Variants in ZFR observed in about 807,000 individuals in gnomAD.
ZFR encodes zinc finger RNA-binding protein.
Under a neutral mutation model 130.7 loss-of-function variants are expected in ZFR, and 19 were observed. That is an observed-to-expected ratio of 0.15 (90% CI 0.10 to 0.21). The LOEUF (loss-of-function observed/expected upper bound fraction) is 0.21. ZFR is among the 10% of genes least tolerant of loss of function. The probability of loss-of-function intolerance (pLI) is 1.00; values close to 1 mark genes in which losing one functional copy is unlikely to be tolerated. For missense variants in ZFR, 872 were observed against 1,321.5 expected, an observed-to-expected ratio of 0.66 and a Z score of 5.27; for synonymous variants, 466 against 456.9, an observed-to-expected ratio of 1.02 and a Z score of -0.25.
chr5:32,396,630 C>T (rs1471500748), intron 10 of ZFR, among the ~76,000 whole-genome samples: 8 of 151,928 alleles, frequency 5.3e-5, no homozygotes, highest in Non-Finnish European at 8.8e-5. Flanking sequence ...CCCAGCTACT[C>T]GGGAGGCGGA....
At chr5:32,380,712 G>A (rs1052583797) in intron 15 of ZFR, among the ~76,000 whole-genome samples, 5 of 132,990 alleles carry the variant, frequency 3.8e-5, no homozygotes, top group East Asian at 2.3e-4. Flanking sequence ...TGGAGTGCAC[G>A]ATCTCAGATC....
At chr5:32,358,459 G>C (rs911493165) in intron 19 of ZFR, among the ~76,000 whole-genome samples, 1 of 152,258 alleles carries the variant, frequency 6.6e-6, no homozygotes, top group South Asian at 2.1e-4. Flanking sequence ...AGGAGATCCA[G>C]ACCATCCTGG....
chr5:32,383,744 TGA>T (rs1265274325), intron 15 of ZFR: 1 of 456,644 alleles, frequency 2.2e-6, no homozygotes, highest in Non-Finnish European at 4.4e-6. Context: ...GGAGCTGCAG[TGA>T]GAGAGAATAC....
Position 32,419,997 on chromosome 5 carries a change from G to A in ZFR, c.244C>T (p.Pro82Ser). The change falls in exon 3 of 20, where the codon CCA becomes TCA. Residue 82 changes from proline to serine, a missense_variant. Physicochemically the swap from Pro to Ser is moderately conservative, Grantham distance 74. Coordinates refer to ENST00000265069, the MANE Select transcript of ZFR (RefSeq NM_016107.5). ...GCAACTGCAACTGTGGCGGCTGCTGGTGCATAGGCAGCAGTAACTGTGTGA... is the reference window on the plus strand; with the variant it reads ...GCAACTGCAACTGTGGCGGCTGCTGATGCATAGGCAGCAGTAACTGTGTGA... The part of the protein sequence containing the change: ...AAHTVTAAYA[P>S]AAATVAVARP... 1 of 1,613,858 alleles carries A rather than the reference G, an allele frequency of 6.2e-7. No individual in the cohort carries two copies. The highest frequency in any genetic ancestry group is 8.5e-7 in the Non-Finnish European group (1 of 1,180,022).
intron 17 of ZFR, among the ~76,000 whole-genome samples, chr5:32,372,767 G>A (rs1463363336): frequency 6.6e-6 from 1 of 151,910 alleles, no homozygotes; most frequent in Non-Finnish European, 1.5e-5. Flanking sequence ...CCCAGGAGGT[G>A]GAGGTTACAG....
At chr5:32,379,434 A>T in intron 16 of ZFR, 1 of 521,530 alleles carries the variant, frequency 1.9e-6, no homozygotes, top group Non-Finnish European at 3.4e-6. Context: ...TTATACAAGA[A>T]TAATATTTCT....
chr5:32,406,753 T>C, intron 6 of ZFR, 21 bp downstream of exon 6: 1 of 1,598,670 alleles, frequency 6.3e-7, no homozygotes, highest in Non-Finnish European at 8.5e-7. Context: ...AGACTCAAGG[T>C]AAAACATACA....
chr5:32,444,737 A>G lies in ZFR; in HGVS notation c.-79T>C. Reference sequence around the variant, plus strand: ...CTGCCCCGCTCCTCCTCAGCGGAGAACAGACCGCCGCCTCCGACCGCACTG... The same window carrying G: ...CTGCCCCGCTCCTCCTCAGCGGAGAGCAGACCGCCGCCTCCGACCGCACTG... On this transcript the variant is annotated 5_prime_UTR_variant, in exon 1 of 20. Transcript: ENST00000265069. 2 of 1,479,780 alleles carry G rather than the reference A, an allele frequency of 1.4e-6. No individual in the cohort carries two copies. Among genetic ancestry groups the G allele is most frequent in the Non-Finnish European group, 1.8e-6 (2 of 1,114,894 alleles). 91.7% of individuals were successfully genotyped at this position (1,479,780 alleles called of 1,614,324 possible). A position where few individuals can be genotyped will look rare whatever the true frequency, so the allele number is the denominator to read the frequency against.
intron 17 of ZFR, among the ~76,000 whole-genome samples, chr5:32,365,726 C>T (rs147968721): frequency 8.6e-5 from 13 of 151,226 alleles, no homozygotes; most frequent in East Asian, 2.0e-4. Flanking sequence ...GAGCTGTGGT[C>T]GTGCCGCTGT....
chr5:32,399,991 T>C lies in ZFR; in HGVS notation c.1713+16A>G. 1.3e-6 allele frequency: 2 copies of C among 1,580,968 alleles called. No individual in the cohort carries two copies. The highest frequency in any genetic ancestry group is 1.7e-6 in the Non-Finnish European group (2 of 1,162,762). ...TTTATCCAATTTCACAGCAATGGTATTCTCAAATCAATTACCTCTTCCACA... is the reference window on the plus strand; with the variant it reads ...TTTATCCAATTTCACAGCAATGGTACTCTCAAATCAATTACCTCTTCCACA... On this transcript the variant is annotated intron_variant, in intron 9 of 19. Coordinates refer to ENST00000265069, the MANE Select transcript of ZFR (RefSeq NM_016107.5).
At chr5:32,363,721 C>T (rs771684507) in intron 19 of ZFR, among the ~76,000 whole-genome samples, 1 of 152,138 alleles carries the variant, frequency 6.6e-6, no homozygotes, top group Non-Finnish European at 1.5e-5. Flanking sequence ...ATATACAATA[C>T]ACTTACTTAG....
At chr5:32,430,422 GA>G (rs1200445739) in intron 2 of ZFR, among the ~76,000 whole-genome samples, 1 of 152,116 alleles carries the variant, frequency 6.6e-6, no homozygotes, top group Non-Finnish European at 1.5e-5. Context: ...TGCACAGAGA[GA>G]GAGGAAGAGA....
Position 32,416,614 on chromosome 5 carries a change from C to CAACAA in ZFR, c.565+1033_565+1034insTTGTT, listed in dbSNP as rs1554073743. Among the ~76,000 whole-genome samples the CAACAA allele has an allele frequency of 8.4e-4, 111 of 132,788 alleles. 8 individuals are homozygous for CAACAA. Among genetic ancestry groups the CAACAA allele is most frequent in the Non-Finnish European group, 1.2e-3 (78 of 63,802 alleles). 87.1% of individuals were successfully genotyped at this position (132,788 alleles called of 152,430 possible). A position where few individuals can be genotyped will look rare whatever the true frequency, so the allele number is the denominator to read the frequency against. The stretch of plus-strand genomic sequence containing the variant: ...GGGCGACAAGAGTGAAACTCCGTCT[C>CAACAA]AAAAAAAAAAAAAAGAGAAGAGACC... On this transcript the variant is annotated intron_variant, in intron 4 of 19. Coordinates refer to ENST00000265069, the MANE Select transcript of ZFR (RefSeq NM_016107.5).
intron 8 of ZFR, among the ~76,000 whole-genome samples, chr5:32,400,748 T>G (rs566938173): frequency 6.6e-6 from 1 of 152,170 alleles, no homozygotes; most frequent in African/African-American, 2.4e-5. Flanking sequence ...TAGCTACTTG[T>G]GGGGCTGAGG....
At chr5:32,418,647 C>A (rs1454557668) in intron 3 of ZFR, among the ~76,000 whole-genome samples, 1 of 152,116 alleles carries the variant, frequency 6.6e-6, no homozygotes, top group Non-Finnish European at 1.5e-5. Context: ...TGTCTCTGGG[C>A]ATAAATAATC....
Position 32,436,140 on chromosome 5 carries a change from C to CTTTTT in ZFR, c.137+8084_137+8088dup, listed in dbSNP as rs370998112. Among the ~76,000 whole-genome samples, 14 of 91,798 alleles carry CTTTTT rather than the reference C, an allele frequency of 1.5e-4. 2 individuals carry two copies. Among genetic ancestry groups the CTTTTT allele is most frequent in the African/African-American group, 5.0e-4 (11 of 22,170 alleles). The allele number at this position is 91,798 out of a possible 152,430, so 60.2% of individuals were successfully genotyped here. On this transcript the variant is annotated intron_variant, in intron 2 of 19. Coordinates refer to ENST00000265069, the MANE Select transcript of ZFR (RefSeq NM_016107.5). ...TAAAGTTGGTAACCACAGTTGTATTCTTTTTTTTTTTTTTTTTTTTTTTTT... is the reference window on the plus strand; with the variant it reads ...TAAAGTTGGTAACCACAGTTGTATTCTTTTTTTTTTTTTTTTTTTTTTTTTTTTTT...
intron 17 of ZFR, among the ~76,000 whole-genome samples, chr5:32,367,671 CCCAAAGTGATGAGATTACAGG>C (rs1057043733): frequency 3.9e-5 from 6 of 151,956 alleles, no homozygotes; most frequent in African/African-American, 9.7e-5. Flanking sequence ...ATCTTCGTGT[CCCAAAGTGATGAGATTACAGG>C]CCAAAGTGAT....
intron 2 of ZFR, among the ~76,000 whole-genome samples, chr5:32,431,474 A>AGTGG: frequency 6.6e-6 from 1 of 152,234 alleles, no homozygotes; most frequent in East Asian, 1.9e-4. Flanking sequence ...TAAAGAATGA[A>AGTGG]GTGGGAAAAA....
At chr5:32,413,200 A>AC (rs373441261) in intron 5 of ZFR, among the ~76,000 whole-genome samples, 4 of 151,168 alleles carry the variant, frequency 2.6e-5, no homozygotes, top group Non-Finnish European at 5.9e-5. Context: ...CTCAAAAAAA[A>AC]CAAAACAAAA....
Sources: allele counts gnomAD v4.1 joint callset (sites outside exome capture counted in the v4.1 genomes callset), GRCh38; gene constraint gnomAD v4.1.1; transcripts MANE v1.5; gene names NCBI Gene and HGNC (gene_info 2026-07-23, HGNC 2026-07-21).